Variants in DEPDC1B observed in about 807,000 individuals in gnomAD.
DEPDC1B encodes DEP domain-containing protein 1B.
Under a neutral mutation model 66.5 loss-of-function variants are expected in DEPDC1B, and 51 were observed. The observed-to-expected ratio is 0.77, with a 90% CI of 0.61 to 0.97. The LOEUF is 0.97. Ranked by LOEUF, DEPDC1B falls within the 50% of genes least tolerant of loss-of-function variation. The probability of loss-of-function intolerance (pLI) is 0.00; values close to 1 mark genes in which losing one functional copy is unlikely to be tolerated. For missense variants in DEPDC1B, 552 were observed against 637.1 expected (o/e 0.87, Z 1.44); for synonymous variants, 226 against 223.6 (o/e 1.01, Z -0.10).
At chr5:60,662,192 T>C (rs1359691827) in intron 2 of DEPDC1B, among the ~76,000 whole-genome samples, 2 of 151,762 alleles carry the variant, frequency 1.3e-5, no homozygotes, top group East Asian at 1.9e-4. Context: ...ATTGAGACCA[T>C]CCTGGCTAAC....
At chr5:60,626,449 T>C (rs1295364771) in intron 7 of DEPDC1B, among the ~76,000 whole-genome samples, 2 of 152,172 alleles carry the variant, frequency 1.3e-5, no homozygotes, top group Non-Finnish European at 2.9e-5. Flanking sequence ...AAGTGAAATT[T>C]CTATATCACA....
chr5:60,654,893 T>A (rs1753542172), intron 2 of DEPDC1B, among the ~76,000 whole-genome samples: 2 of 149,154 alleles, frequency 1.3e-5, no homozygotes, highest in Admixed American at 1.3e-4. Context: ...ATCATGATTT[T>A]TGTTTTTAGT....
intron 2 of DEPDC1B, among the ~76,000 whole-genome samples, chr5:60,670,844 T>C (rs1183264838): frequency 6.6e-6 from 1 of 152,142 alleles, no homozygotes; most frequent in South Asian, 2.1e-4. Flanking sequence ...GTAAGGGTAA[T>C]TCGGACTCCT....
chr5:60,695,388 G>A (rs1754631541), intron 1 of DEPDC1B, among the ~76,000 whole-genome samples: 1 of 151,890 alleles, frequency 6.6e-6, no homozygotes, highest in African/African-American at 2.4e-5. Flanking sequence ...AGAGAGTGAG[G>A]GACAGGGTGC....
intron 1 of DEPDC1B, among the ~76,000 whole-genome samples, chr5:60,689,516 T>C (rs1754496438): frequency 6.6e-6 from 1 of 152,226 alleles, no homozygotes; most frequent in Non-Finnish European, 1.5e-5. Context: ...TATATTCAAA[T>C]CTGTATCTTG....
chr5:60,668,332 T>C lies in DEPDC1B; in HGVS notation c.314+18630A>G, dbSNP rs1194258078. Among the ~76,000 whole-genome samples the C allele has an allele frequency of 2.0e-5, 3 of 147,750 alleles. No individual in the cohort carries two copies. The Admixed American group carries it at 2.1e-4, about 10-fold the overall frequency. On this transcript the variant is annotated intron_variant, in intron 2 of 10. Coordinates refer to ENST00000265036, the MANE Select transcript of DEPDC1B (RefSeq NM_018369.3). ...CTCTGTCACCCAGGCTAGAGTGCAG[T>C]GGTGCAATCTCATCTCACTGCAACC...
In DEPDC1B at chr5:60,598,513, G is replaced by A. The variant is rs373239715; in HGVS notation, c.1428+562C>T. Among the ~76,000 whole-genome samples, 19 of 152,268 alleles carry A rather than the reference G, an allele frequency of 1.2e-4. No individual in the cohort carries two copies. In the South Asian group the frequency reaches 3.7e-3, roughly 30 times the overall value. On this transcript the variant is annotated intron_variant, in intron 10 of 10. Transcript: ENST00000265036. ...CTTTAAAAACAAAAACCACTCACCTGATCATGGATCAACCTTTATGAATAG... is the reference window on the plus strand; with the variant it reads ...CTTTAAAAACAAAAACCACTCACCTAATCATGGATCAACCTTTATGAATAG...
chr5:60,609,061 A>G (rs1193544599), intron 7 of DEPDC1B, among the ~76,000 whole-genome samples: 2 of 152,118 alleles, frequency 1.3e-5, no homozygotes, highest in Non-Finnish European at 2.9e-5. Context: ...AGTGAGCTAT[A>G]ATTGCACACT....
At chr5:60,608,895 G>A (rs868718079) in intron 7 of DEPDC1B, among the ~76,000 whole-genome samples, 5 of 152,230 alleles carry the variant, frequency 3.3e-5, no homozygotes, top group Middle Eastern at 6.8e-3. Flanking sequence ...GATCACCTGA[G>A]GCCAGGAGCT....
At chr5:60,683,386 C>T (rs959499733) in intron 2 of DEPDC1B, among the ~76,000 whole-genome samples, 1 of 151,988 alleles carries the variant, frequency 6.6e-6, no homozygotes, top group Non-Finnish European at 1.5e-5. Context: ...GAGCCAAGAT[C>T]GCACCACTGC....
intron 7 of DEPDC1B, among the ~76,000 whole-genome samples, chr5:60,607,881 G>T (rs1752342467): frequency 1.3e-5 from 2 of 152,324 alleles, no homozygotes; most frequent in South Asian, 4.1e-4. Context: ...AGCATCAAGA[G>T]ACAGTGTGTG....
At chr5:60,691,844 C>T (rs1754553156) in intron 1 of DEPDC1B, among the ~76,000 whole-genome samples, 1 of 152,028 alleles carries the variant, frequency 6.6e-6, no homozygotes, top group South Asian at 2.1e-4. Flanking sequence ...GGGTATTTGC[C>T]CAAAACATTT....
At chr5:60,615,609 A>G (rs286148) in intron 7 of DEPDC1B, among the ~76,000 whole-genome samples, 86,298 of 152,072 alleles carry the variant, frequency 0.57, 24,608 homozygotes, top group Admixed American at 0.61. Flanking sequence ...AGGGGCGCCC[A>G]CCATTGCCCA....
At chr5:60,636,097 G>A (rs2111841781) in intron 7 of DEPDC1B, among the ~76,000 whole-genome samples, 1 of 152,244 alleles carries the variant, frequency 6.6e-6, no homozygotes, top group East Asian at 1.9e-4. Context: ...TGGAGTGTGA[G>A]TAAAGAATGC....
At chr5:60,631,292 A>G (rs1023174954) in intron 7 of DEPDC1B, among the ~76,000 whole-genome samples, 1 of 152,234 alleles carries the variant, frequency 6.6e-6, no homozygotes, top group East Asian at 1.9e-4. Flanking sequence ...TCAAGAATCA[A>G]TGAATATGAT....
chr5:60,649,091 C>T (rs1158886754), intron 2 of DEPDC1B, among the ~76,000 whole-genome samples: 2 of 152,152 alleles, frequency 1.3e-5, no homozygotes, highest in African/African-American at 4.8e-5. Flanking sequence ...TGTTTATTCT[C>T]CCACTTCATT....
At chr5:60,620,085 A>C (rs1414910460) in intron 7 of DEPDC1B, among the ~76,000 whole-genome samples, 2 of 152,246 alleles carry the variant, frequency 1.3e-5, no homozygotes, top group Non-Finnish European at 2.9e-5. Context: ...CTGGCTAGCC[A>C]TATGTAGAAA....
intron 1 of DEPDC1B, among the ~76,000 whole-genome samples, chr5:60,688,209 C>T (rs1020638495): frequency 6.6e-6 from 1 of 152,044 alleles, no homozygotes; most frequent in Non-Finnish European, 1.5e-5. Context: ...TTTTTGCTTA[C>T]ATGCAAAACA....
chr5:60,685,974 C>T (rs1005688431), intron 2 of DEPDC1B, among the ~76,000 whole-genome samples: 1 of 152,186 alleles, frequency 6.6e-6, no homozygotes, highest in African/African-American at 2.4e-5. Context: ...GCTGATGAAA[C>T]TCCATGAGGA....
Sources: gnomAD v4.1 joint callset for allele counts (sites outside exome capture counted in the v4.1 genomes callset) on GRCh38, gnomAD v4.1.1 for gene constraint, MANE v1.5 for transcripts, NCBI Gene and HGNC (gene_info 2026-07-23, HGNC 2026-07-21) for gene names.